The following COL4A4 variants were observed in gnomAD, a reference collection of about 807,000 sequenced individuals.
The protein encoded by COL4A4 is collagen alpha-4(IV) chain.
COL4A4 carries 105 observed loss-of-function variants against 192.9 expected under a neutral mutation model. The ratio of observed to expected loss-of-function variants is 0.54; its 90% CI spans 0.46 to 0.64. The LOEUF is 0.64. Ranked by LOEUF, COL4A4 falls within the 30% of genes least tolerant of loss-of-function variation. The pLI is 0.00. For synonymous variants in COL4A4, 762 were observed against 769.9 expected (o/e 0.99, Z 0.17); for missense variants, 1,967 against 2,169.3 (o/e 0.91, Z 1.85).
At chr2:227,071,194 A>G (rs13411764) in intron 25 of COL4A4, among the ~76,000 whole-genome samples, 42,218 of 151,978 alleles carry the variant, frequency 0.28, 6,261 homozygotes, top group South Asian at 0.39. Flanking sequence ...CTCAAGATAA[A>G]GGGGTAGGAA....
At chr2:227,013,446 G>T (rs1005678653) in intron 44 of COL4A4, among the ~76,000 whole-genome samples, 1 of 152,148 alleles carries the variant, frequency 6.6e-6, no homozygotes, top group Non-Finnish European at 1.5e-5. Context: ...CTTAGGCTGG[G>T]CCCTAATCCA....
intron 37 of COL4A4, among the ~76,000 whole-genome samples, chr2:227,041,792 G>GA (rs1491508500): frequency 2.6e-5 from 1 of 38,610 alleles, no homozygotes; most frequent in African/African-American, 1.2e-4. Context: ...GGAAGGGAAA[G>GA]AAAGAAAGAA....
chr2:226,976,847 T>C, the COL4A4 span, among the ~76,000 whole-genome samples: 1 of 152,218 alleles, frequency 6.6e-6, no homozygotes. Flanking sequence ...AATACTGCTC[T>C]GATATTTTTC....
At chr2:227,137,133 C>G (rs1450288045) in intron 4 of COL4A4, among the ~76,000 whole-genome samples, 1 of 152,218 alleles carries the variant, frequency 6.6e-6, no homozygotes, top group Non-Finnish European at 1.5e-5. Flanking sequence ...AAGACACACA[C>G]AGCAGAGTGC....
At position 227,088,648 on chromosome 2, in the gene COL4A4, C is replaced by G; in HGVS notation, c.1623+5G>C. 1 of 1,614,120 alleles carries G rather than the reference C, an allele frequency of 6.2e-7. No homozygotes were observed. Among genetic ancestry groups the G allele is most frequent in the Non-Finnish European group, 8.5e-7 (1 of 1,180,020 alleles). ...CTGGAAAGATGACTGGTAAGAGGTA[C>G]TCACTGGTAGCCCTGGAGGTCCTTC... On this transcript the variant is annotated splice_donor_5th_base_variant and intron_variant, in intron 22 of 47. Coordinates refer to ENST00000396625, the MANE Select transcript of COL4A4 (RefSeq NM_000092.5).
At chr2:227,147,629 A>T in intron 1 of COL4A4, 45 bp from the exon 2 acceptor site, 2 of 684,964 alleles carry the variant, frequency 2.9e-6, no homozygotes, top group South Asian at 3.1e-5. Context: ...ATGCATTATA[A>T]TGTTGAAAAT....
intron 8 of COL4A4, among the ~76,000 whole-genome samples, chr2:227,112,222 T>C (rs2061251685): frequency 6.6e-6 from 1 of 152,138 alleles, no homozygotes; most frequent in Non-Finnish European, 1.5e-5. Flanking sequence ...GAATGAAGCC[T>C]CTTTTTTTAA....
chr2:226,975,966 C>T, the COL4A4 span, among the ~76,000 whole-genome samples: 3 of 151,934 alleles, frequency 2.0e-5, no homozygotes, highest in African/African-American at 7.3e-5. Context: ...ATCTGGGGAA[C>T]AGTCACACTC....
the COL4A4 span, among the ~76,000 whole-genome samples, chr2:226,993,498 T>C: frequency 6.6e-6 from 1 of 152,228 alleles, no homozygotes; most frequent in African/African-American, 2.4e-5. Flanking sequence ...TTTTAAGCAA[T>C]CAACTACTGG....
chr2:227,149,419 C>A lies in COL4A4; in HGVS notation c.-101-1835G>T, dbSNP rs886945394. 2.6e-5 allele frequency among the ~76,000 whole-genome samples: 4 copies of A among 152,118 alleles called. No individual in the cohort carries two copies. In the East Asian group the frequency reaches 5.8e-4, roughly 22 times the overall value. Reference sequence around the variant, plus strand: ...TCTGTTTCTGGTTGGGCCAGTAAAGCCCCTTCCTCATCTCTCTTTTCTGCT... The same window carrying A: ...TCTGTTTCTGGTTGGGCCAGTAAAGACCCTTCCTCATCTCTCTTTTCTGCT... On this transcript the variant is annotated intron_variant, in intron 1 of 47. Transcript: ENST00000396625.
intron 1 of COL4A4, among the ~76,000 whole-genome samples, chr2:227,156,866 A>T (rs2064394813): frequency 6.6e-6 from 1 of 152,308 alleles, no homozygotes; most frequent in African/African-American, 2.4e-5. Flanking sequence ...TGAAGGAAAA[A>T]ATAGACAAAT....
rs1049534705 is a variant in COL4A4, at chr2:227,123,818, A to G, written c.193-2670T>C. On this transcript the variant is annotated intron_variant, in intron 4 of 47. Coordinates refer to ENST00000396625, the MANE Select transcript of COL4A4 (RefSeq NM_000092.5). This position sits in a 1 kb window ranked among gnomAD's most constrained non-coding sequence, Gnocchi z 4.6. Reference sequence around the variant, plus strand: ...GCAAAGTCCATCTGTTCAGGCCGACATAGAACATCCTCCCCAAGCTCATGA... The same window carrying G: ...GCAAAGTCCATCTGTTCAGGCCGACGTAGAACATCCTCCCCAAGCTCATGA... Among the ~76,000 whole-genome samples, 1 of 152,224 alleles carries G rather than the reference A, an allele frequency of 6.6e-6. No individual in the cohort carries two copies. The highest frequency in any genetic ancestry group is 2.4e-5 in the African/African-American group (1 of 41,466).
intron 20 of COL4A4, among the ~76,000 whole-genome samples, chr2:227,092,459 G>A (rs2059992417): frequency 6.6e-6 from 1 of 152,090 alleles, no homozygotes; most frequent in South Asian, 2.1e-4. Flanking sequence ...ACAGTATTCT[G>A]GCAACAAATT....
chr2:227,127,174 G>GT (rs374826467), intron 4 of COL4A4, among the ~76,000 whole-genome samples: 41 of 152,312 alleles, frequency 2.7e-4, no homozygotes, highest in African/African-American at 7.7e-4. Context: ...GCACCCCTGG[G>GT]TTTTTTTGGC....
intron 12 of COL4A4, among the ~76,000 whole-genome samples, chr2:227,106,724 C>T (rs1272985477): frequency 6.6e-6 from 1 of 152,162 alleles, no homozygotes; most frequent in Non-Finnish European, 1.5e-5. Context: ...CGCCACCATG[C>T]CCGGCTAATT....
At chr2:227,155,195 C>T (rs1232499154) in intron 1 of COL4A4, among the ~76,000 whole-genome samples, 3 of 152,036 alleles carry the variant, frequency 2.0e-5, no homozygotes, top group African/African-American at 7.2e-5. Context: ...CCTTTCCTTC[C>T]CTCCAGATTC....
At chr2:227,023,700 T>C (rs1185334081) in intron 43 of COL4A4, among the ~76,000 whole-genome samples, 3 of 152,160 alleles carry the variant, frequency 2.0e-5, no homozygotes, top group Admixed American at 2.0e-4. Flanking sequence ...GCTACTGTTA[T>C]GAGAAGGGTA....
At chr2:227,061,611 A>T (rs1436576427) in intron 26 of COL4A4, among the ~76,000 whole-genome samples, 1 of 152,230 alleles carries the variant, frequency 6.6e-6, no homozygotes, top group Non-Finnish European at 1.5e-5. Flanking sequence ...AGATTTTGAG[A>T]TTATTTACAC....
intron 4 of COL4A4, among the ~76,000 whole-genome samples, chr2:227,133,107 T>C (rs1045227068): frequency 2.6e-5 from 4 of 152,182 alleles, no homozygotes; most frequent in Admixed American, 6.5e-5. Flanking sequence ...TTTGCTGAGC[T>C]CCGCACCCAG....
Sources: allele counts gnomAD v4.1 joint callset (sites outside exome capture counted in the v4.1 genomes callset), GRCh38; gene constraint gnomAD v4.1.1; non-coding constraint Gnocchi (gnomAD v3.1); transcripts MANE v1.5; gene names NCBI Gene and HGNC (gene_info 2026-07-23, HGNC 2026-07-21).